DNM1L: variants seen among roughly 807,000 people sequenced by gnomAD.
DNM1L encodes the protein dynamin 1L, also known as dynamin-1-like protein.
A neutral mutation model predicts 92.8 loss-of-function variants in DNM1L; 33 were observed. That is an observed-to-expected ratio of 0.36 (90% CI 0.27 to 0.48). The LOEUF (loss-of-function observed/expected upper bound fraction) is 0.48. Among genes scored for constraint, DNM1L ranks in the 20% least tolerant of loss-of-function variants. The probability of loss-of-function intolerance (pLI) is 0.99; values close to 1 mark genes in which losing one functional copy is unlikely to be tolerated. For synonymous variants in DNM1L, 284 were observed against 305.0 expected, an observed-to-expected ratio of 0.93 and a Z score of 0.72; for missense variants, 485 against 888.8, an observed-to-expected ratio of 0.55 and a Z score of 5.78.
chr12:32,701,780 T>C (rs1013276346), intron 2 of DNM1L, among the ~76,000 whole-genome samples: 1 of 151,758 alleles, frequency 6.6e-6, no homozygotes, highest in African/African-American at 2.4e-5. Flanking sequence ...CAGGCTGGAG[T>C]GCAGTGGTAT....
chr12:32,717,399 AAT>A (rs10692402), intron 6 of DNM1L, among the ~76,000 whole-genome samples: 1 of 66,794 alleles, frequency 1.5e-5, no homozygotes, highest in African/African-American at 6.8e-5. Context: ...TAGTATATAT[AAT>A]ATATAATATA....
chr12:32,743,085 C>T (rs980208801), intron 19 of DNM1L, among the ~76,000 whole-genome samples: 5 of 151,162 alleles, frequency 3.3e-5, no homozygotes, highest in Non-Finnish European at 5.9e-5. Flanking sequence ...TTAGTAGAGA[C>T]GGGGTTTCAC....
chr12:32,717,448 A>AGTAT (rs1447248900), intron 6 of DNM1L, among the ~76,000 whole-genome samples: 2 of 97,982 alleles, frequency 2.0e-5, no homozygotes, highest in African/African-American at 9.2e-5. Flanking sequence ...TTAAATATAT[A>AGTAT]CTATATATAT....
chr12:32,717,182 G>A (rs1489746651), intron 6 of DNM1L, among the ~76,000 whole-genome samples: 7 of 109,880 alleles, frequency 6.4e-5, no homozygotes, highest in African/African-American at 2.1e-4. Context: ...AATATATATA[G>A]TATATACTAT....
intron 9 of DNM1L, chr12:32,727,061 T>C: frequency 1.4e-6 from 1 of 727,978 alleles, no homozygotes. Flanking sequence ...ATTCAGGAAT[T>C]CCTTTGGGGT....
rs950395617 is a variant in DNM1L, at chr12:32,744,915, C to T, written c.*1505C>T. Reference sequence around the variant, plus strand: ...ATCCTTAAGACATCTAGCCCCGTCTCTAATAGACAACACATTTATATTGCA... The same window carrying T: ...ATCCTTAAGACATCTAGCCCCGTCTTTAATAGACAACACATTTATATTGCA... On this transcript the variant is annotated 3_prime_UTR_variant, in exon 20 of 20. Coordinates refer to ENST00000549701, the MANE Select transcript of DNM1L (RefSeq NM_012062.5). The T allele has an allele frequency of 1.9e-6, 1 of 517,312 alleles. No individual in the cohort carries two copies. The highest frequency in any genetic ancestry group is 3.9e-6 in the Non-Finnish European group (1 of 259,276). The allele number at this position is 517,312 out of a possible 1,614,324, so 32.0% of individuals were successfully genotyped here.
At chr12:32,739,457 T>C (rs1955128737) in intron 16 of DNM1L, among the ~76,000 whole-genome samples, 3 of 152,228 alleles carry the variant, frequency 2.0e-5, no homozygotes, top group Admixed American at 2.0e-4. Context: ...GGGACTTCTG[T>C]TGTTTGTCAC....
chr12:32,716,361 G>T (rs1953366047), intron 6 of DNM1L, among the ~76,000 whole-genome samples: 1 of 152,190 alleles, frequency 6.6e-6, no homozygotes, highest in East Asian at 1.9e-4. Context: ...TTGAGACAGG[G>T]TCTCATTCTG....
chr12:32,727,672 T>G (rs532610125), intron 9 of DNM1L, among the ~76,000 whole-genome samples: 43 of 152,342 alleles, frequency 2.8e-4, no homozygotes, highest in African/African-American at 9.9e-4. Context: ...TATCTTGGAA[T>G]CATTTCTCAA....
At position 32,739,661 on chromosome 12, in the gene DNM1L, T is replaced by C. The variant is rs981316909; in HGVS notation, c.1708-403T>C. Among the ~76,000 whole-genome samples, 9 of 152,252 alleles carry C rather than the reference T, an allele frequency of 5.9e-5. No homozygotes were observed. The East Asian group carries it at 1.3e-3, about 23-fold the overall frequency. On this transcript the variant is annotated intron_variant, in intron 16 of 19. Transcript: ENST00000549701. ...AACTTTTAGAGTTTAACAGTGTTAA[T>C]GATTACTTAAGAAATTAAACTGAAT...
chr12:32,694,061 C>T (rs1952335355), intron 1 of DNM1L, among the ~76,000 whole-genome samples: 1 of 152,120 alleles, frequency 6.6e-6, no homozygotes, highest in African/African-American at 2.4e-5. Context: ...AATCTACTTT[C>T]TAGCTATAGA....
intron 1 of DNM1L, among the ~76,000 whole-genome samples, chr12:32,692,233 G>A (rs1281314724): frequency 6.6e-6 from 1 of 152,108 alleles, no homozygotes; most frequent in Non-Finnish European, 1.5e-5. Context: ...AATCTAAGCA[G>A]AGAGATCAAG....
At chr12:32,686,338 T>C (rs73099765) in intron 1 of DNM1L, among the ~76,000 whole-genome samples, 23,416 of 152,152 alleles carry the variant, frequency 0.15, 1,912 homozygotes, top group Middle Eastern at 0.21. Flanking sequence ...TGAGCCACTG[T>C]GCCCAGCCAA....
At chr12:32,679,745 A>G in intron 1 of DNM1L, 1 of 1,114,656 alleles carries the variant, frequency 9.0e-7, no homozygotes, top group Non-Finnish European at 1.1e-6. Context: ...AGGAGAGGGA[A>G]GGATGGGGCC....
intron 9 of DNM1L, among the ~76,000 whole-genome samples, chr12:32,729,754 C>T (rs1954421366): frequency 6.6e-6 from 1 of 152,196 alleles, no homozygotes; most frequent in African/African-American, 2.4e-5. Flanking sequence ...GCCACTGTGC[C>T]TGGCCGAATT....
At chr12:32,692,009 C>A (rs1449212827) in intron 1 of DNM1L, among the ~76,000 whole-genome samples, 1 of 123,644 alleles carries the variant, frequency 8.1e-6, no homozygotes, top group South Asian at 2.2e-4. Context: ...ATCAGACTGG[C>A]ATTAGATTCC....
chr12:32,736,977 C>T lies in DNM1L; in HGVS notation c.1540-128C>T, dbSNP rs2293341. On this transcript the variant is annotated intron_variant, in intron 13 of 19. Transcript: ENST00000549701. ...TTATTTTAAAATATGATAATTATGG[C>T]ATGAGTCCCAACAGTGAGAGGATGT... 97,090 of 806,312 alleles carry T rather than the reference C, an allele frequency of 0.12. 6,609 individuals carry two copies. Among genetic ancestry groups the T allele is most frequent in the South Asian group, 0.23 (15,130 of 64,384 alleles). The allele number at this position is 806,312 out of a possible 1,614,324, so 49.9% of individuals were successfully genotyped here.
chr12:32,721,795 C>T (rs1394270996), intron 8 of DNM1L, among the ~76,000 whole-genome samples: 1 of 152,184 alleles, frequency 6.6e-6, no homozygotes, highest in East Asian at 1.9e-4. Context: ...TTCTGACTGA[C>T]AGGCTATAAG....
At chr12:32,701,873 G>GC (rs1450499229) in intron 2 of DNM1L, among the ~76,000 whole-genome samples, 5 of 151,486 alleles carry the variant, frequency 3.3e-5, no homozygotes, top group Non-Finnish European at 5.9e-5. Flanking sequence ...GATTACAGGC[G>GC]CCCCCCACCA....
Sources: gnomAD v4.1 joint callset for allele counts (sites outside exome capture counted in the v4.1 genomes callset) on GRCh38, gnomAD v4.1.1 for gene constraint, MANE v1.5 for transcripts, NCBI Gene and HGNC (gene_info 2026-07-23, HGNC 2026-07-21) for gene names.